Variants in TUSC3 observed in about 807,000 individuals in gnomAD.
TUSC3 encodes dolichyl-diphosphooligosaccharide--protein glycosyltransferase subunit TUSC3.
Under a neutral mutation model 44.8 loss-of-function variants are expected in TUSC3, and 45 were observed. That is an observed-to-expected ratio of 1.00 (90% CI 0.79 to 1.29). The LOEUF (loss-of-function observed/expected upper bound fraction) is 1.29. TUSC3 is among the 50% of genes most tolerant of loss of function. TUSC3 has a pLI of 0.00. For missense variants in TUSC3, 519 were observed against 437.9 expected (o/e 1.19, Z -1.65); for synonymous variants, 212 against 152.9 (o/e 1.39, Z -2.85).
intron 1 of TUSC3, among the ~76,000 whole-genome samples, chr8:15,475,152 C>T (rs911487923): frequency 6.6e-6 from 1 of 152,130 alleles, no homozygotes; most frequent in African/African-American, 2.4e-5. Flanking sequence ...CACCATGCTA[C>T]ACCTAAAGTC....
At chr8:15,540,643 C>A in intron 1 of TUSC3, 75 bp downstream of exon 1, 2 of 1,447,076 alleles carry the variant, frequency 1.4e-6, no homozygotes, top group East Asian at 2.7e-5. Context: ...GGCAGCCCTG[C>A]CGTGTTGCTA....
intron 1 of TUSC3, among the ~76,000 whole-genome samples, chr8:15,602,135 T>G (rs1804313890): frequency 6.6e-6 from 1 of 151,582 alleles, no homozygotes; most frequent in Non-Finnish European, 1.5e-5. Context: ...GCTCAGTCAG[T>G]AGCCATCCTG....
intron 2 of TUSC3, among the ~76,000 whole-genome samples, chr8:15,489,431 G>T (rs1800777387): frequency 6.6e-6 from 1 of 152,160 alleles, no homozygotes; most frequent in South Asian, 2.1e-4. Context: ...TTTCTATTCA[G>T]ACCTTTAGAA....
At chr8:15,735,160 T>TAGAG (rs934460108) in intron 7 of TUSC3, among the ~76,000 whole-genome samples, 6 of 151,596 alleles carry the variant, frequency 4.0e-5, no homozygotes, top group African/African-American at 1.5e-4. Flanking sequence ...AAGGATAGGG[T>TAGAG]AGAGAAGGTA....
chr8:15,606,208 A>C (rs1804518629), intron 1 of TUSC3, among the ~76,000 whole-genome samples: 1 of 152,074 alleles, frequency 6.6e-6, no homozygotes, highest in Admixed American at 6.6e-5. Context: ...CATTTTAAAC[A>C]GATGATTCAT....
intron 2 of TUSC3, among the ~76,000 whole-genome samples, chr8:15,646,411 G>A (rs1327556112): frequency 6.6e-6 from 1 of 152,070 alleles, no homozygotes; most frequent in African/African-American, 2.4e-5. Context: ...CTTTAGAATA[G>A]AGGCTAGAAT....
the TUSC3 span, among the ~76,000 whole-genome samples, chr8:15,776,286 C>G: frequency 6.6e-6 from 1 of 152,040 alleles, no homozygotes; most frequent in Non-Finnish European, 1.5e-5. Flanking sequence ...CCTGTGGCCT[C>G]TCAAGGAAGA....
chr8:15,521,909 T>C (rs1414801649), intron 2 of TUSC3, among the ~76,000 whole-genome samples: 1 of 152,256 alleles, frequency 6.6e-6, no homozygotes, highest in Non-Finnish European at 1.5e-5. Context: ...AAAGTTATTG[T>C]GGTTTCTGCA....
the TUSC3 span, among the ~76,000 whole-genome samples, chr8:15,825,892 T>C: frequency 2.0e-5 from 3 of 151,082 alleles, no homozygotes; most frequent in South Asian, 2.1e-4. Flanking sequence ...TTTCTTTTTT[T>C]TTTTTTTTTT....
At chr8:15,752,748 C>A (rs1256288936) in intron 9 of TUSC3, among the ~76,000 whole-genome samples, 1 of 151,996 alleles carries the variant, frequency 6.6e-6, no homozygotes, top group African/African-American at 2.4e-5. Flanking sequence ...AGAAAATTAT[C>A]CCAGAATCAA....
intron 6 of TUSC3, among the ~76,000 whole-genome samples, chr8:15,718,979 C>A (rs1343756299): frequency 6.6e-6 from 1 of 151,862 alleles, no homozygotes; most frequent in African/African-American, 2.4e-5. Flanking sequence ...AGGATCAGAT[C>A]ACTTCTTACC....
intron 1 of TUSC3, among the ~76,000 whole-genome samples, chr8:15,605,178 A>G (rs1198662560): frequency 5.3e-5 from 8 of 151,910 alleles, no homozygotes; most frequent in Middle Eastern, 3.2e-3. Flanking sequence ...AGTAGAATCA[A>G]TCAATAGATG....
intron 2 of TUSC3, among the ~76,000 whole-genome samples, chr8:15,504,605 AT>A (rs1801022114): frequency 2.2e-4 from 7 of 31,162 alleles, no homozygotes; most frequent in African/African-American, 1.1e-3. Context: ...ATATATATAT[AT>A]ATATATATAT....
chr8:15,655,469 A>G (rs1271963179), intron 3 of TUSC3, among the ~76,000 whole-genome samples: 3 of 152,216 alleles, frequency 2.0e-5, no homozygotes, highest in Non-Finnish European at 4.4e-5. Context: ...GGGAAAAATC[A>G]AGGGGGAAGA....
chr8:15,738,635 A>G (rs1811037074), intron 7 of TUSC3, among the ~76,000 whole-genome samples: 1 of 152,098 alleles, frequency 6.6e-6, no homozygotes, highest in African/African-American at 2.4e-5. Flanking sequence ...TGTGGTCAAT[A>G]AAGAACACAA....
intron 1 of TUSC3, among the ~76,000 whole-genome samples, chr8:15,566,624 GTTGT>G: frequency 6.6e-6 from 1 of 150,824 alleles, no homozygotes; most frequent in Middle Eastern, 3.4e-3. Context: ...TGTTGTTGTT[GTTGT>G]TTTTTTTTTG....
intron 3 of TUSC3, among the ~76,000 whole-genome samples, chr8:15,652,045 A>T (rs554131359): frequency 1.6e-4 from 24 of 152,158 alleles, no homozygotes; most frequent in Non-Finnish European, 3.4e-4. Flanking sequence ...TAGAATTTGA[A>T]CTCAACTGTG....
At chr8:15,418,246 T>C (rs1473282605) in intron 1 of TUSC3, among the ~76,000 whole-genome samples, 6 of 152,280 alleles carry the variant, frequency 3.9e-5, no homozygotes, top group African/African-American at 1.4e-4. Flanking sequence ...AATGCACAGT[T>C]TATCTGCCCT....
At chr8:15,687,529 C>T (rs990674592) in intron 6 of TUSC3, among the ~76,000 whole-genome samples, 2 of 152,106 alleles carry the variant, frequency 1.3e-5, no homozygotes, top group Admixed American at 1.3e-4. Flanking sequence ...TCTGTTGTTG[C>T]CGCTCATTCC....
Sources: gnomAD v4.1 joint callset for allele counts (sites outside exome capture counted in the v4.1 genomes callset) on GRCh38, gnomAD v4.1.1 for gene constraint, MANE v1.5 for transcripts, NCBI Gene and HGNC (gene_info 2026-07-23, HGNC 2026-07-21) for gene names.